The following SLC39A10 variants were observed in gnomAD, a reference collection of about 807,000 sequenced individuals.
The protein encoded by SLC39A10 is solute carrier family 39 member 10.
Under a neutral mutation model 65.1 loss-of-function variants are expected in SLC39A10, and 13 were observed. That is an observed-to-expected ratio of 0.20 (90% confidence interval 0.13 to 0.32). The LOEUF (loss-of-function observed/expected upper bound fraction) is 0.32, where lower values mean the gene tolerates loss of function less well. SLC39A10 is among the 10% of genes least tolerant of loss of function. The probability of loss-of-function intolerance (pLI) is 1.00; values close to 1 mark genes in which losing one functional copy is unlikely to be tolerated. For missense variants in SLC39A10, 831 were observed against 1,018.4 expected (o/e 0.82, Z 2.50); for synonymous variants, 321 against 342.2 (o/e 0.94, Z 0.68).
At chr2:195,668,285 A>G (rs1435253307) in intron 1 of SLC39A10, among the ~76,000 whole-genome samples, 2 of 152,264 alleles carry the variant, frequency 1.3e-5, no homozygotes, top group East Asian at 1.9e-4. Flanking sequence ...GATTTCAACC[A>G]TTTAAAGTAG....
chr2:195,674,591 T>C (rs1324431979), intron 1 of SLC39A10: 1 of 985,342 alleles, frequency 1.0e-6, no homozygotes, highest in East Asian at 1.1e-4. Context: ...TTTCTTTATT[T>C]ACCTCCTTTT....
At chr2:195,674,185 C>T (rs1689985931) in intron 1 of SLC39A10, among the ~76,000 whole-genome samples, 1 of 152,158 alleles carries the variant, frequency 6.6e-6, no homozygotes, top group Non-Finnish European at 1.5e-5. Flanking sequence ...GCAGTGTAAT[C>T]TTTAAATAAA....
chr2:195,671,045 T>G (rs558482291), intron 1 of SLC39A10, among the ~76,000 whole-genome samples: 1 of 152,256 alleles, frequency 6.6e-6, no homozygotes, highest in Admixed American at 6.5e-5. Context: ...AAATAGGACA[T>G]TAATAGGAAC....
intron 1 of SLC39A10, among the ~76,000 whole-genome samples, chr2:195,673,252 C>T (rs1015004117): frequency 2.0e-5 from 3 of 152,190 alleles, no homozygotes; most frequent in Admixed American, 2.0e-4. Flanking sequence ...TCAGGGCTCA[C>T]TGCAGCCTTG....
At chr2:195,697,690 A>G (rs1217566435) in intron 3 of SLC39A10, among the ~76,000 whole-genome samples, 1 of 152,166 alleles carries the variant, frequency 6.6e-6, no homozygotes, top group Admixed American at 6.6e-5. Flanking sequence ...ACAAAGCTCT[A>G]ATCTCCAGCA....
intron 1 of SLC39A10, chr2:195,657,757 C>G (rs907690648): frequency 2.0e-6 from 1 of 491,556 alleles, no homozygotes; most frequent in African/African-American, 2.1e-5. Flanking sequence ...TCTTCGGGGG[C>G]TTGGCGACCA....
At chr2:195,701,934 G>A (rs1435295899) in intron 3 of SLC39A10, among the ~76,000 whole-genome samples, 2 of 152,112 alleles carry the variant, frequency 1.3e-5, no homozygotes, top group Admixed American at 6.5e-5. Flanking sequence ...TCCCATCACA[G>A]CCTCCCAGAG....
At chr2:195,676,361 CTTT>C (rs372606204) in intron 1 of SLC39A10, among the ~76,000 whole-genome samples, 1 of 142,434 alleles carries the variant, frequency 7.0e-6, no homozygotes. Flanking sequence ...GGCCTATAAG[CTTT>C]TTTTTTTTTT....
intron 2 of SLC39A10, among the ~76,000 whole-genome samples, chr2:195,682,645 T>A (rs1328619425): frequency 6.6e-6 from 1 of 152,032 alleles, no homozygotes; most frequent in Non-Finnish European, 1.5e-5. Context: ...TGTTGATAAT[T>A]ACAAGATTTT....
chr2:195,680,276 C>T lies in SLC39A10; in HGVS notation c.234C>T (p.Ser78=). Residue 78 remains serine (S), a synonymous_variant, in exon 2 of 10, where the codon TCC becomes TCT. Coordinates refer to ENST00000359634, the MANE Select transcript of SLC39A10 (RefSeq NM_020342.3). ...GTTATGGTGAAAATGGAAGATTATC[C>T]TTTTTTGGTTTGGAGAAACTTTTAA... ...FERYGENGRL[S]FFGLEKLLTN... The T allele has an allele frequency of 1.2e-6, 2 of 1,613,900 alleles. No homozygotes were observed. Among genetic ancestry groups the T allele is most frequent in the Non-Finnish European group, 1.7e-6 (2 of 1,179,984 alleles).
upstream of SLC39A10, among the ~76,000 whole-genome samples, chr2:195,653,788 A>T (rs940844331): frequency 2.0e-5 from 3 of 152,366 alleles, no homozygotes; most frequent in Admixed American, 2.0e-4. Context: ...TGTCTAAAGT[A>T]AACTTTTAGG....
At chr2:195,717,592 T>C (rs1044700773) in intron 7 of SLC39A10, among the ~76,000 whole-genome samples, 18 of 152,132 alleles carry the variant, frequency 1.2e-4, no homozygotes, top group Middle Eastern at 6.8e-3. Context: ...TGTTTTTGTT[T>C]TTTTTTTTAA....
At position 195,680,722 on chromosome 2, in the gene SLC39A10, A is replaced by C. The variant is rs1690271104; in HGVS notation, c.680A>C (p.Lys227Thr). Residue 227 changes from lysine (K) to threonine (T), a missense_variant, in exon 2 of 10, where the codon AAA becomes ACA. Physicochemically the swap from Lys to Thr is moderately conservative, Grantham distance 78 (BLOSUM62 -1). Coordinates refer to ENST00000359634, the MANE Select transcript of SLC39A10 (RefSeq NM_020342.3). ...TNKTQEQSDV[K>T]LPKGKRKKKG... ...AAAACCCAGGAACAATCTGATGTTA[A>C]ACTACCGAAAGGAAAGAGGAAGAAA... The C allele has an allele frequency of 1.9e-6, 3 of 1,614,180 alleles. No individual in the cohort carries two copies. The highest frequency in any genetic ancestry group is 2.5e-6 in the Non-Finnish European group (3 of 1,180,046).
At chr2:195,617,190 T>C (rs1180855164) in intron 2 of SLC39A10, among the ~76,000 whole-genome samples, 1 of 152,230 alleles carries the variant, frequency 6.6e-6, no homozygotes, top group African/African-American at 2.4e-5. Context: ...ATATTTCATA[T>C]ATGATATAAG....
rs191271008 is a variant in SLC39A10, at chr2:195,668,405, T to C, written c.-12+11124T>C. 6.2e-3 allele frequency among the ~76,000 whole-genome samples: 937 copies of C among 152,344 alleles called. 5 individuals carry two copies. The highest frequency in any genetic ancestry group is 0.011 in the Non-Finnish European group (720 of 68,034). ...AGTTTACTTAAAACATGGTATATTA[T>C]CCAGGATGAGGGTTTTAGTGATTAA... is the stretch of plus-strand genomic sequence containing the variant. On this transcript the variant is annotated intron_variant, in intron 1 of 9. Coordinates refer to ENST00000359634, the MANE Select transcript of SLC39A10 (RefSeq NM_020342.3).
At chr2:195,732,437 G>A (rs1692459260) in intron 9 of SLC39A10, among the ~76,000 whole-genome samples, 1 of 152,114 alleles carries the variant, frequency 6.6e-6, no homozygotes, top group African/African-American at 2.4e-5. Flanking sequence ...AACAAATATG[G>A]CCATACCGGT....
intron 2 of SLC39A10, among the ~76,000 whole-genome samples, chr2:195,620,667 CA>C (rs1431613947): frequency 6.6e-6 from 1 of 152,158 alleles, no homozygotes; most frequent in African/African-American, 2.4e-5. Flanking sequence ...ATAAAATCCC[CA>C]CTCTAAGTCA....
intron 5 of SLC39A10, among the ~76,000 whole-genome samples, chr2:195,712,990 A>G (rs1201369446): frequency 6.6e-6 from 1 of 152,192 alleles, no homozygotes; most frequent in Non-Finnish European, 1.5e-5. Flanking sequence ...GGAAACTACA[A>G]ACTTAAGATT....
intron 2 of SLC39A10, among the ~76,000 whole-genome samples, chr2:195,630,427 A>G (rs1335242309): frequency 1.3e-5 from 2 of 152,298 alleles, no homozygotes; most frequent in Admixed American, 1.3e-4. Flanking sequence ...GTATTCCGCT[A>G]TTCGGAAGCT....
Sources: allele counts gnomAD v4.1 joint callset (sites outside exome capture counted in the v4.1 genomes callset), GRCh38; gene constraint gnomAD v4.1.1; transcripts MANE v1.5; gene names NCBI Gene and HGNC (gene_info 2026-07-23, HGNC 2026-07-21).